The following AIRIM variants were observed in gnomAD, a reference collection of about 807,000 sequenced individuals.
AIRIM encodes AFG2 interacting ribosome maturation factor.
chr1:37,684,280 A>G, the AIRIM span: 3 of 152,392 alleles, frequency 2.0e-5, 1 homozygote, highest in Admixed American at 2.0e-4. Context: ...TGTCAGCCGC[A>G]GCTCTTGCTC....
the AIRIM span, among the ~76,000 whole-genome samples, chr1:37,684,534 G>A: frequency 6.6e-6 from 1 of 152,158 alleles, no homozygotes; most frequent in African/African-American, 2.4e-5. Context: ...CAGGAGAATT[G>A]CTTGAACTCG....
chr1:37,683,564 G>A, the AIRIM span: 7 of 1,057,678 alleles, frequency 6.6e-6, no homozygotes, highest in Admixed American at 2.6e-5. Context: ...TACCAGGTGG[G>A]CCTGATTCAC....
At chr1:37,686,838 G>C in the AIRIM span, among the ~76,000 whole-genome samples, 5 of 152,066 alleles carry the variant, frequency 3.3e-5, no homozygotes, top group African/African-American at 9.7e-5. Context: ...GAGGCTGAGC[G>C]GGGTGGATCA....
chr1:37,683,257 G>C, the AIRIM span: 1 of 1,612,388 alleles, frequency 6.2e-7, no homozygotes, highest in African/African-American at 1.3e-5. Flanking sequence ...TGCTTCCAAA[G>C]AGGCGAGCCA....
the AIRIM span, chr1:37,683,243 C>T: frequency 6.2e-7 from 1 of 1,611,474 alleles, no homozygotes; most frequent in Middle Eastern, 1.7e-4. Context: ...GGGCACCTTC[C>T]TAATGCTTCC....
the AIRIM span, chr1:37,691,536 G>C: frequency 6.5e-6 from 1 of 154,692 alleles, no homozygotes; most frequent in African/African-American, 2.4e-5. Flanking sequence ...TTCGAAACTA[G>C]CCTCTAGCCT....
chr1:37,690,243 CCAAAGTGCTGGGATTA>C, the AIRIM span: 1 of 1,285,944 alleles, frequency 7.8e-7, no homozygotes, highest in Middle Eastern at 2.2e-4. Context: ...CCTCGGTCTT[CCAAAGTGCTGGGATTA>C]CAGGCGTGAG....
At chr1:37,687,342 G>A in the AIRIM span, among the ~76,000 whole-genome samples, 2 of 151,566 alleles carry the variant, frequency 1.3e-5, no homozygotes, top group Non-Finnish European at 2.9e-5. Flanking sequence ...ATGTTGGTCA[G>A]GCTGGTCTCG....
At chr1:37,685,203 G>T in the AIRIM span, among the ~76,000 whole-genome samples, 2 of 118,458 alleles carry the variant, frequency 1.7e-5, no homozygotes, top group African/African-American at 3.0e-5. Flanking sequence ...GGGGGGGGGG[G>T]GTGGGCGGGG....
chr1:37,689,794 C>G, the AIRIM span: 4 of 1,612,594 alleles, frequency 2.5e-6, no homozygotes, highest in East Asian at 8.9e-5. Flanking sequence ...GCAGGGCACT[C>G]TGCCACAGGC....
chr1:37,683,367 T>C, the AIRIM span: 1 of 1,614,076 alleles, frequency 6.2e-7, no homozygotes, highest in Middle Eastern at 1.6e-4. Context: ...TCCCAGGCCT[T>C]GGGCAAAGCT....
chr1:37,690,608 C>T, the AIRIM span: 5 of 545,798 alleles, frequency 9.2e-6, no homozygotes, highest in Non-Finnish European at 1.4e-5. Context: ...CGTAGTGCCG[C>T]AATGACTTCT....
At chr1:37,689,883 TCTG>T in the AIRIM span, 1 of 1,542,266 alleles carries the variant, frequency 6.5e-7, no homozygotes, top group Non-Finnish European at 8.7e-7. Context: ...TGAGTCATCT[TCTG>T]CTGAAAAAGA....
At chr1:37,687,436 T>TA in the AIRIM span, among the ~76,000 whole-genome samples, 4 of 147,660 alleles carry the variant, frequency 2.7e-5, no homozygotes, top group Non-Finnish European at 4.5e-5. Flanking sequence ...CCAGCTAATA[T>TA]ATATTTTTTT....
the AIRIM span, chr1:37,681,826 T>G: frequency 6.6e-6 from 1 of 152,206 alleles, no homozygotes; most frequent in African/African-American, 2.4e-5. Flanking sequence ...ATAACTGTGT[T>G]GAGCTATATT....
At chr1:37,685,205 T>TG in the AIRIM span, among the ~76,000 whole-genome samples, 2 of 32,386 alleles carry the variant, frequency 6.2e-5, no homozygotes, top group African/African-American at 1.2e-4. Flanking sequence ...GGGGGGGGGG[T>TG]GGGCGGGGGG....
the AIRIM span, among the ~76,000 whole-genome samples, chr1:37,685,090 C>G: frequency 6.6e-6 from 1 of 151,016 alleles, no homozygotes; most frequent in Non-Finnish European, 1.5e-5. Context: ...AAATCTTACC[C>G]TAGAACGAAG....
At chr1:37,691,367 T>C in the AIRIM span, 2 of 152,216 alleles carry the variant, frequency 1.3e-5, no homozygotes, top group Non-Finnish European at 2.9e-5. Flanking sequence ...CCATAGCCTA[T>C]AACATGCACG....
the AIRIM span, among the ~76,000 whole-genome samples, chr1:37,688,206 G>A: frequency 2.0e-5 from 3 of 151,982 alleles, no homozygotes; most frequent in African/African-American, 7.3e-5. Flanking sequence ...ACAGGTGTGT[G>A]CCACGACAGC....
Sources: gnomAD v4.1 joint callset for allele counts (sites outside exome capture counted in the v4.1 genomes callset) on GRCh38, gnomAD v4.1.1 for gene constraint, MANE v1.5 for transcripts, NCBI Gene and HGNC (gene_info 2026-07-23, HGNC 2026-07-21) for gene names.